SNX8: variants seen among roughly 807,000 people sequenced by gnomAD.
SNX8 encodes sorting nexin-8.
Under a neutral mutation model 51.6 loss-of-function variants are expected in SNX8, and 25 were observed. The ratio of observed to expected loss-of-function variants is 0.48; its 90% CI spans 0.35 to 0.68. The LOEUF (loss-of-function observed/expected upper bound fraction) is 0.68, where lower values mean the gene tolerates loss of function less well. Ranked by LOEUF, SNX8 falls within the 30% of genes least tolerant of loss-of-function variation. The pLI, the probability that SNX8 is intolerant of heterozygous loss-of-function variation, is 0.00. For synonymous variants in SNX8, 324 were observed against 277.0 expected (o/e 1.17, Z -1.68); for missense variants, 695 against 624.0 (o/e 1.11, Z -1.21).
intron 1 of SNX8, among the ~76,000 whole-genome samples, chr7:2,311,923 C>G (rs1292867111): frequency 6.6e-6 from 1 of 151,014 alleles, no homozygotes; most frequent in East Asian, 1.9e-4. Flanking sequence ...GGCGACAGAG[C>G]GAGACTCCGT....
intron 4 of SNX8, among the ~76,000 whole-genome samples, chr7:2,269,901 G>T (rs183972919): frequency 2.0e-5 from 3 of 152,022 alleles, no homozygotes; most frequent in Non-Finnish European, 4.4e-5. Flanking sequence ...ATCCGCAGAC[G>T]GGGGGCAGCT....
chr7:2,267,929 A>G (rs1466121957), intron 5 of SNX8, among the ~76,000 whole-genome samples: 1 of 93,398 alleles, frequency 1.1e-5, no homozygotes, highest in African/African-American at 4.5e-5. Flanking sequence ...CCGGCCGCCC[A>G]TAGTCTGAGA....
chr7:2,336,694 G>A (rs748223525), intron 1 of SNX8, among the ~76,000 whole-genome samples: 13 of 146,530 alleles, frequency 8.9e-5, no homozygotes, highest in Admixed American at 3.4e-4. Context: ...GCTACAGAGC[G>A]AGACTCCTTC....
At chr7:2,305,049 G>A (rs1796516019) in intron 1 of SNX8, among the ~76,000 whole-genome samples, 1 of 152,200 alleles carries the variant, frequency 6.6e-6, no homozygotes, top group South Asian at 2.1e-4. Flanking sequence ...GCAGACGCCG[G>A]AGGGTCTGGG....
At chr7:2,257,172 C>G (rs1481845971) in intron 9 of SNX8, 149 bp from the exon 10 acceptor site, 5 of 1,187,446 alleles carry the variant, frequency 4.2e-6, no homozygotes, top group Admixed American at 2.7e-5. Flanking sequence ...AAGAGAGGGC[C>G]GGGGAGGGAG....
chr7:2,346,921 CAAAAAAAAAA>C (rs758069233), intron 1 of SNX8, among the ~76,000 whole-genome samples: 2 of 49,772 alleles, frequency 4.0e-5, no homozygotes, highest in South Asian at 1.3e-3. Flanking sequence ...GACTCCGTCT[CAAAAAAAAAA>C]AAAAAAAAAA....
chr7:2,346,502 C>A (rs1350799613), intron 1 of SNX8, among the ~76,000 whole-genome samples: 2 of 150,722 alleles, frequency 1.3e-5, no homozygotes, highest in Non-Finnish European at 3.0e-5. Flanking sequence ...AATCCCAGCA[C>A]TTTGGGAGGC....
intron 1 of SNX8, among the ~76,000 whole-genome samples, chr7:2,342,727 G>GT (rs1275313670): frequency 6.6e-6 from 1 of 152,070 alleles, no homozygotes; most frequent in East Asian, 1.9e-4. Flanking sequence ...AGAAGACAGA[G>GT]TAACTTTTAT....
At chr7:2,285,963 G>A (rs892881626) in intron 1 of SNX8, among the ~76,000 whole-genome samples, 7 of 151,554 alleles carry the variant, frequency 4.6e-5, no homozygotes, top group East Asian at 1.9e-4. Flanking sequence ...GATTACAGGC[G>A]TGAGCCATAG....
intron 1 of SNX8, among the ~76,000 whole-genome samples, chr7:2,335,217 A>T (rs988526781): frequency 3.3e-5 from 5 of 149,316 alleles, no homozygotes; most frequent in Non-Finnish European, 7.5e-5. Context: ...GAAAAAAAAA[A>T]TAGCCAGATG....
At chr7:2,257,319 G>C in intron 9 of SNX8, 46 bp downstream of exon 9, 1 of 1,580,564 alleles carries the variant, frequency 6.3e-7, no homozygotes, top group Non-Finnish European at 8.6e-7. Context: ...CCATGGCCGG[G>C]AGGGGAAAGG....
chr7:2,261,340 G>A (rs184414402), intron 7 of SNX8, among the ~76,000 whole-genome samples: 1,946 of 152,322 alleles, frequency 0.013, 23 homozygotes, highest in South Asian at 0.038. Context: ...GGCTGAGGCA[G>A]GAGAATCGCT....
At chr7:2,280,225 G>C (rs1338413878) in intron 1 of SNX8, among the ~76,000 whole-genome samples, 1 of 152,138 alleles carries the variant, frequency 6.6e-6, no homozygotes, top group African/African-American at 2.4e-5. Flanking sequence ...CCTACGCCCA[G>C]CTTGCAAAGA....
At chr7:2,296,408 T>C (rs1336548039) in intron 1 of SNX8, among the ~76,000 whole-genome samples, 1 of 152,028 alleles carries the variant, frequency 6.6e-6, no homozygotes, top group Non-Finnish European at 1.5e-5. Context: ...AGCATGCTAC[T>C]GATTTGTGTA....
chr7:2,322,205 C>T (rs1391402786), intron 1 of SNX8, among the ~76,000 whole-genome samples: 3 of 152,132 alleles, frequency 2.0e-5, no homozygotes, highest in African/African-American at 2.4e-5. Context: ...CACAGGAGGA[C>T]GTGCAGAAAG....
chr7:2,309,719 G>A (rs900168044), intron 1 of SNX8: 9 of 455,652 alleles, frequency 2.0e-5, no homozygotes, highest in East Asian at 7.0e-5. Context: ...CAACAAGAGC[G>A]AGACTCCATC....
At chr7:2,335,674 G>A (rs2115240255) in intron 1 of SNX8, among the ~76,000 whole-genome samples, 1 of 151,986 alleles carries the variant, frequency 6.6e-6, no homozygotes. Context: ...GTGGTGGCAG[G>A]CGCCTGTAGT....
Position 2,255,035 on chromosome 7 carries a change from G to C in SNX8, c.*21C>G. On this transcript the variant is annotated 3_prime_UTR_variant, in exon 11 of 11. Coordinates refer to ENST00000222990, the MANE Select transcript of SNX8 (RefSeq NM_013321.4). Reference sequence around the variant, plus strand: ...AGAGGTTTTAGTGCGGCCGCAGGGAGCACCACCTCAGCCTCAGGCGCTAGT... The same window carrying C: ...AGAGGTTTTAGTGCGGCCGCAGGGACCACCACCTCAGCCTCAGGCGCTAGT... The C allele has an allele frequency of 6.8e-7, 1 of 1,476,674 alleles. No homozygotes were observed. The highest frequency in any genetic ancestry group is 9.3e-7 in the Non-Finnish European group (1 of 1,078,336). 91.5% of individuals were successfully genotyped at this position (1,476,674 alleles called of 1,614,324 possible). A position where few individuals can be genotyped will look rare whatever the true frequency, so the allele number is the denominator to read the frequency against.
At chr7:2,264,257 C>A (rs779564389) in intron 6 of SNX8, 41 bp downstream of exon 6, 1 of 1,577,576 alleles carries the variant, frequency 6.3e-7, no homozygotes. Flanking sequence ...GGATTCCCGT[C>A]CCACCGCGCG....
Sources: gnomAD v4.1 joint callset for allele counts (sites outside exome capture counted in the v4.1 genomes callset) on GRCh38, gnomAD v4.1.1 for gene constraint, MANE v1.5 for transcripts, NCBI Gene and HGNC (gene_info 2026-07-23, HGNC 2026-07-21) for gene names.